The following SPTBN1 variants were observed in gnomAD, a reference collection of about 807,000 sequenced individuals.
SPTBN1 encodes spectrin beta, non-erythrocytic 1, also known as spectrin beta chain, non-erythrocytic 1.
In SPTBN1, 32 loss-of-function variants were observed where a neutral mutation model predicts 266.4. The observed-to-expected ratio is 0.12, with a 90% CI of 0.09 to 0.16. SPTBN1 has a LOEUF of 0.16. Ranked by LOEUF, SPTBN1 falls within the 10% of genes least tolerant of loss-of-function variation. The probability of loss-of-function intolerance (pLI) is 1.00; values close to 1 mark genes in which losing one functional copy is unlikely to be tolerated. For synonymous variants in SPTBN1, 1,336 were observed against 1,162.2 expected, an observed-to-expected ratio of 1.15 and a Z score of -3.04; for missense variants, 2,296 against 3,067.1, an observed-to-expected ratio of 0.75 and a Z score of 5.94.
chr2:54,609,759 A>G (rs1405420123), intron 3 of SPTBN1, among the ~76,000 whole-genome samples: 1 of 152,160 alleles, frequency 6.6e-6, no homozygotes, highest in Non-Finnish European at 1.5e-5. Flanking sequence ...CTTACTGGCA[A>G]GGTACTTTGA....
At chr2:54,482,940 A>G (rs1377949078) in intron 1 of SPTBN1, among the ~76,000 whole-genome samples, 1 of 152,150 alleles carries the variant, frequency 6.6e-6, no homozygotes, top group African/African-American at 2.4e-5. Flanking sequence ...AGTTGGTGCA[A>G]TGGATTATGT....
chr2:54,656,104 G>C (rs760585164), intron 29 of SPTBN1, 106 bp downstream of exon 29: 1 of 962,624 alleles, frequency 1.0e-6, no homozygotes. Context: ...GATTGTTCGA[G>C]TTGTAGATGC....
chr2:54,668,482 C>T lies in SPTBN1; in HGVS notation c.7008C>T (p.Ile2336=), dbSNP rs1270409004. The part of the protein sequence containing the change: ...AQTLPTSVVT[I]TSESSPGKRE... ...CCCTCCCCACCAGCGTCGTCACCAT[C>T]ACCAGCGAGTCCAGTCCCGGCAAGC... Residue 2336 remains isoleucine, a synonymous_variant, in exon 36 of 36, where the codon ATC becomes ATT. Coordinates refer to ENST00000356805, the MANE Select transcript of SPTBN1 (RefSeq NM_003128.3). The T allele has an allele frequency of 6.2e-7, 1 of 1,614,222 alleles. No individual in the cohort carries two copies. The highest frequency in any genetic ancestry group is 8.5e-7 in the Non-Finnish European group (1 of 1,180,040).
chr2:54,565,903 A>G (rs940523338), intron 2 of SPTBN1, among the ~76,000 whole-genome samples: 3 of 152,252 alleles, frequency 2.0e-5, no homozygotes, highest in African/African-American at 4.8e-5. Flanking sequence ...GTTGATTACT[A>G]GTAAATATAG....
At chr2:54,656,884 G>T (rs553404020) in intron 29 of SPTBN1, among the ~76,000 whole-genome samples, 2 of 152,296 alleles carry the variant, frequency 1.3e-5, no homozygotes, top group African/African-American at 4.8e-5. Context: ...GCACCAGCTT[G>T]TACACCAGGG....
chr2:54,629,032 G>T lies in SPTBN1; in HGVS notation c.1898G>T (p.Arg633Leu). 1 of 1,613,692 alleles carries T rather than the reference G, an allele frequency of 6.2e-7. No individual in the cohort carries two copies. The highest frequency in any genetic ancestry group is 8.5e-7 in the Non-Finnish European group (1 of 1,180,014). ...LCQLAAERRARLEESRRLWKF... is the reference protein window; with the variant it reads ...LCQLAAERRALLEESRRLWKF... The stretch of plus-strand genomic sequence containing the variant: ...CAGCTGGCGGCTGAGCGCAGGGCCC[G>T]TCTGGAAGAGTCCCGCCGCCTCTGG... The change falls in exon 14 of 36, where the codon CGT becomes CTT. Residue 633 changes from arginine to leucine, a missense_variant. Physicochemically the swap from Arg to Leu is moderately radical, Grantham distance 102. This residue lies in a region of SPTBN1 where 434 missense variants were observed against 573.9 expected (regional missense o/e 0.76). Coordinates refer to ENST00000356805, the MANE Select transcript of SPTBN1 (RefSeq NM_003128.3).
Position 54,664,222 on chromosome 2 carries a change from T to A in SPTBN1, c.6421-231T>A. 1.9e-6 allele frequency: 1 copy of A among 517,088 alleles called. No individual in the cohort carries two copies. Among genetic ancestry groups the A allele is most frequent in the Non-Finnish European group, 3.4e-6 (1 of 290,352 alleles). The allele number at this position is 517,088 out of a possible 1,614,324, so 32.0% of individuals were successfully genotyped here. The stretch of plus-strand genomic sequence containing the variant: ...GAGGAATAGAGTGCAGTAAAACTCA[T>A]ACTGGCATTTCGCTTTTCTCATTTC... On this transcript the variant is annotated intron_variant, in intron 32 of 35. Coordinates refer to ENST00000356805, the MANE Select transcript of SPTBN1 (RefSeq NM_003128.3). This position sits in a 1 kb window ranked among gnomAD's most constrained non-coding sequence, Gnocchi z 5.6.
chr2:54,639,845 A>G (rs987663475), intron 18 of SPTBN1, among the ~76,000 whole-genome samples: 1 of 152,156 alleles, frequency 6.6e-6, no homozygotes, highest in Non-Finnish European at 1.5e-5. Flanking sequence ...GACACAGGAA[A>G]GTTTGGGTGG....
chr2:54,459,619 A>G (rs536767657), intron 1 of SPTBN1, among the ~76,000 whole-genome samples: 12 of 152,324 alleles, frequency 7.9e-5, no homozygotes, highest in Admixed American at 3.9e-4. Context: ...TTTACGTGCA[A>G]TGACATGATG....
intron 2 of SPTBN1, among the ~76,000 whole-genome samples, chr2:54,562,253 A>C (rs374174083): frequency 6.6e-6 from 1 of 152,342 alleles, no homozygotes; most frequent in African/African-American, 2.4e-5. Flanking sequence ...TTAACTCCTC[A>C]TGAGAGAACA....
intron 29 of SPTBN1, among the ~76,000 whole-genome samples, chr2:54,656,689 G>C (rs1227380410): frequency 6.6e-6 from 1 of 152,116 alleles, no homozygotes; most frequent in Admixed American, 6.5e-5. Flanking sequence ...ATGTTATGGG[G>C]GTTTACTAGA....
chr2:54,657,759 T>C, intron 29 of SPTBN1, 91 bp from the exon 30 acceptor site: 1 of 1,492,350 alleles, frequency 6.7e-7, no homozygotes, highest in Non-Finnish European at 9.3e-7. Flanking sequence ...CAGGTAGCCA[T>C]CACCAGAGGG....
At position 54,655,900 on chromosome 2, in the gene SPTBN1, T is replaced by G; in HGVS notation, c.5962-14T>G. 1 of 1,608,262 alleles carries G rather than the reference T, an allele frequency of 6.2e-7. No individual in the cohort carries two copies. Reference sequence around the variant, plus strand: ...TTCCATTAAGATGTCCCGGGGATCCTCTTTTTCATACAGATCAAGGAAAAA... The same window carrying G: ...TTCCATTAAGATGTCCCGGGGATCCGCTTTTTCATACAGATCAAGGAAAAA... On this transcript the variant is annotated splice_polypyrimidine_tract_variant and intron_variant, in intron 28 of 35. Transcript: ENST00000356805.
chr2:54,606,928 G>A (rs997296287), intron 3 of SPTBN1, among the ~76,000 whole-genome samples: 15 of 152,146 alleles, frequency 9.9e-5, no homozygotes, highest in South Asian at 2.1e-4. Flanking sequence ...AAGCCCACCC[G>A]TATTTTATAT....
At chr2:54,566,669 A>T (rs1673686757) in intron 2 of SPTBN1, among the ~76,000 whole-genome samples, 1 of 152,016 alleles carries the variant, frequency 6.6e-6, no homozygotes, top group South Asian at 2.1e-4. Context: ...TGTCTCTAAT[A>T]AAAATACAAA....
intron 1 of SPTBN1, among the ~76,000 whole-genome samples, chr2:54,506,894 C>CTCTTTTTTTT (rs5831310): frequency 0.035 from 4,605 of 133,452 alleles, 437 homozygotes; most frequent in African/African-American, 0.12. Context: ...GGTTCTCTCT[C>CTCTTTTTTTT]TTTTTTTTTT....
At chr2:54,623,654 C>T in intron 10 of SPTBN1, 58 bp downstream of exon 10, 1 of 1,376,742 alleles carries the variant, frequency 7.3e-7, no homozygotes, top group Admixed American at 2.0e-5. Flanking sequence ...CAGGTTCTAT[C>T]ACTAGGTCTC....
At chr2:54,532,746 T>G (rs747378546) in intron 2 of SPTBN1, among the ~76,000 whole-genome samples, 1 of 152,222 alleles carries the variant, frequency 6.6e-6, no homozygotes, top group Non-Finnish European at 1.5e-5. Context: ...AGCTGGACTT[T>G]TTGGAAACCA....
intron 15 of SPTBN1, 142 bp downstream of exon 15, chr2:54,630,171 CT>C: frequency 8.9e-7 from 1 of 1,120,242 alleles, no homozygotes; most frequent in Non-Finnish European, 1.2e-6. Context: ...TGGCACCTGC[CT>C]TTTGACATGT....
Sources: gnomAD v4.1 joint callset for allele counts (sites outside exome capture counted in the v4.1 genomes callset) on GRCh38, gnomAD v4.1.1 for gene constraint, gnomAD v4.1.1 regional missense constraint, Gnocchi (gnomAD v3.1) non-coding constraint, MANE v1.5 for transcripts, NCBI Gene and HGNC (gene_info 2026-07-23, HGNC 2026-07-21) for gene names.